Variants in VAPB observed in about 807,000 individuals in gnomAD.
VAPB encodes VAMP associated protein B and C, also known as vesicle-associated membrane protein-associated protein B/C.
VAPB carries 7 observed loss-of-function variants against 25.6 expected under a neutral mutation model. The ratio of observed to expected loss-of-function variants is 0.27; its 90% CI spans 0.16 to 0.51. The LOEUF is 0.51. VAPB is among the 20% of genes least tolerant of loss of function. The pLI is 0.97. For synonymous variants in VAPB, 112 were observed against 109.2 expected (o/e 1.03, Z -0.16); for missense variants, 266 against 301.3 (o/e 0.88, Z 0.87).
In VAPB at chr20:58,448,266, T is replaced by A. The variant is rs1323570743; in HGVS notation, c.*4031T>A. On this transcript the variant is annotated 3_prime_UTR_variant, in exon 6 of 6. Coordinates refer to ENST00000475243, the MANE Select transcript of VAPB (RefSeq NM_004738.5). ...ACTCTTCTGGAACACCAAGAGCAGC[T>A]CTGAGATCATGCTGGCCCTACGCGA... 1 of 454,078 alleles carries A rather than the reference T, an allele frequency of 2.2e-6. No individual in the cohort carries two copies. The highest frequency in any genetic ancestry group is 4.4e-6 in the Non-Finnish European group (1 of 226,776). The allele number at this position is 454,078 out of a possible 1,614,324, so 28.1% of individuals were successfully genotyped here.
chr20:58,392,749 A>T (rs1987837895), intron 1 of VAPB, among the ~76,000 whole-genome samples: 1 of 152,142 alleles, frequency 6.6e-6, no homozygotes, highest in Non-Finnish European at 1.5e-5. Context: ...GCCTAAGTTG[A>T]TCGTATGGGA....
rs2234485 is a variant in VAPB at position 58,434,566 on chromosome 20, G to A, written c.212-36G>A. The A allele has an allele frequency of 1.2e-3, 1,277 of 1,064,438 alleles. 23 individuals are homozygous for A. In the East Asian group the frequency reaches 0.023, roughly 19 times the overall value. 65.9% of individuals were successfully genotyped at this position (1,064,438 alleles called of 1,614,324 possible). A position where few individuals can be genotyped will look rare whatever the true frequency, so the allele number is the denominator to read the frequency against. On this transcript the variant is annotated intron_variant, in intron 2 of 5. Coordinates refer to ENST00000475243, the MANE Select transcript of VAPB (RefSeq NM_004738.5). ...CATAATAAATGGCACTGACAACCAA[G>A]CTCTGACCCTCCTAATGAAATATTT... is the stretch of plus-strand genomic sequence containing the variant.
At chr20:58,426,378 C>G (rs140679257) in intron 2 of VAPB, among the ~76,000 whole-genome samples, 2 of 152,214 alleles carry the variant, frequency 1.3e-5, no homozygotes, top group African/African-American at 4.8e-5. Context: ...TTACAGAGTT[C>G]TGTTAGTGGA....
Position 58,434,725 on chromosome 20 carries a change from T to C in VAPB, c.315+20T>C, listed in dbSNP as rs780192454. 2.5e-6 allele frequency: 3 copies of C among 1,204,226 alleles called. No individual in the cohort carries two copies. The African/African-American group carries it at 4.5e-5, about 18-fold the overall frequency. 74.6% of individuals were successfully genotyped at this position (1,204,226 alleles called of 1,614,324 possible). ...GCAGTAGTAAGTACTGAATGCTTCTTATTTTTTTCAGTAACAATAATTTAA... is the reference window on the plus strand; with the variant it reads ...GCAGTAGTAAGTACTGAATGCTTCTCATTTTTTTCAGTAACAATAATTTAA... On this transcript the variant is annotated intron_variant, in intron 3 of 5. Transcript: ENST00000475243.
chr20:58,397,639 A>C (rs1987996266), intron 1 of VAPB, among the ~76,000 whole-genome samples: 1 of 152,162 alleles, frequency 6.6e-6, no homozygotes, highest in South Asian at 2.1e-4. Context: ...GCAGGTTTGT[A>C]GAGTGGGAAT....
chr20:58,414,227 A>AC (rs1431782271), intron 1 of VAPB, among the ~76,000 whole-genome samples: 4 of 113,376 alleles, frequency 3.5e-5, no homozygotes, highest in Admixed American at 3.5e-4. Context: ...CGGGGGGCTG[A>AC]CCCCCCAACC....
intron 1 of VAPB, among the ~76,000 whole-genome samples, chr20:58,413,292 GCGGCCTTC>G (rs1289005046): frequency 6.6e-6 from 1 of 151,694 alleles, no homozygotes; most frequent in Non-Finnish European, 1.5e-5. Flanking sequence ...AGAGGACCCT[GCGGCCTTC>G]CGCAGTGTTT....
intron 4 of VAPB, 94 bp from the exon 5 acceptor site, chr20:58,440,813 C>A: frequency 8.8e-7 from 1 of 1,142,332 alleles, no homozygotes; most frequent in Non-Finnish European, 1.3e-6. Context: ...AATGCTACCA[C>A]GTTTGGTGTT....
At chr20:58,437,711 A>AT (rs1300939032) in intron 3 of VAPB, among the ~76,000 whole-genome samples, 1 of 151,958 alleles carries the variant, frequency 6.6e-6, no homozygotes, top group Non-Finnish European at 1.5e-5. Flanking sequence ...ATTCTTTGCG[A>AT]TTTTTTCACT....
Position 58,403,492 on chromosome 20 carries a change from C to T in VAPB, c.58+13975C>T, listed in dbSNP as rs138312362. 1.5e-3 allele frequency among the ~76,000 whole-genome samples: 229 copies of T among 152,318 alleles called. 1 individual carries two copies. The highest frequency in any genetic ancestry group is 5.1e-3 in the African/African-American group (212 of 41,556). On this transcript the variant is annotated intron_variant, in intron 1 of 5. Transcript: ENST00000475243. Reference sequence around the variant, plus strand: ...AATCTCAGTTTCTGGTATCTTTACTCTTCTTTCATCAGACCTCACCCCTTC... The same window carrying T: ...AATCTCAGTTTCTGGTATCTTTACTTTTCTTTCATCAGACCTCACCCCTTC...
chr20:58,415,708 A>G (rs1988523445), intron 1 of VAPB, among the ~76,000 whole-genome samples: 1 of 152,222 alleles, frequency 6.6e-6, no homozygotes, highest in African/African-American at 2.4e-5. Context: ...ATGTTGGTAT[A>G]GTAAAATCCC....
chr20:58,397,433 C>A (rs950858865), intron 1 of VAPB, among the ~76,000 whole-genome samples: 2 of 151,666 alleles, frequency 1.3e-5, no homozygotes, highest in Non-Finnish European at 2.9e-5. Flanking sequence ...GCAGGAGAAT[C>A]GCTTGAACCT....
At chr20:58,406,238 A>T (rs967094702) in intron 1 of VAPB, among the ~76,000 whole-genome samples, 2 of 152,222 alleles carry the variant, frequency 1.3e-5, no homozygotes, top group Non-Finnish European at 2.9e-5. Context: ...GTGACATAGA[A>T]CAGTAAGGAG....
chr20:58,396,576 T>G (rs1247248998), intron 1 of VAPB, among the ~76,000 whole-genome samples: 2 of 152,144 alleles, frequency 1.3e-5, no homozygotes, highest in African/African-American at 4.8e-5. Flanking sequence ...TGAAGGGTGC[T>G]CAGAGAATGG....
At chr20:58,390,388 T>G (rs1987765245) in intron 1 of VAPB, 1 of 151,968 alleles carries the variant, frequency 6.6e-6, no homozygotes, top group East Asian at 1.9e-4. Flanking sequence ...TGTTTTTTTT[T>G]TTTTTTTCCT....
chr20:58,448,062 A>G lies in VAPB; in HGVS notation c.*3827A>G, dbSNP rs1186308800. The G allele has an allele frequency of 2.2e-6, 1 of 453,770 alleles. No individual in the cohort carries two copies. The highest frequency in any genetic ancestry group is 4.4e-6 in the Non-Finnish European group (1 of 226,766). 28.1% of individuals were successfully genotyped at this position (453,770 alleles called of 1,614,324 possible). A position where few individuals can be genotyped will look rare whatever the true frequency, so the allele number is the denominator to read the frequency against. On this transcript the variant is annotated 3_prime_UTR_variant, in exon 6 of 6. Transcript: ENST00000475243. ...GGAGAAAGAACCAAACTGAACTATGAAAAGTTACCACTCTGAGGAGACCTC... is the reference window on the plus strand; with the variant it reads ...GGAGAAAGAACCAAACTGAACTATGGAAAGTTACCACTCTGAGGAGACCTC...
Position 58,449,724 on chromosome 20 carries a change from A to C in VAPB, c.*5489A>C. On this transcript the variant is annotated 3_prime_UTR_variant, in exon 6 of 6. Transcript: ENST00000475243. Reference sequence around the variant, plus strand: ...GATCCTGTAACAATGCCCGATTACAATTGCTTTATTACACCCCAGGGCTGA... The same window carrying C: ...GATCCTGTAACAATGCCCGATTACACTTGCTTTATTACACCCCAGGGCTGA... 1 of 454,088 alleles carries C rather than the reference A, an allele frequency of 2.2e-6. No individual in the cohort carries two copies. The allele number at this position is 454,088 out of a possible 1,614,324, so 28.1% of individuals were successfully genotyped here. A position where few individuals can be genotyped will look rare whatever the true frequency, so the allele number is the denominator to read the frequency against.
chr20:58,399,208 G>A (rs1204807511), intron 1 of VAPB, among the ~76,000 whole-genome samples: 1 of 151,802 alleles, frequency 6.6e-6, no homozygotes, highest in African/African-American at 2.4e-5. Flanking sequence ...GCTGAGGCAG[G>A]AGAACCGCTT....
intron 2 of VAPB, chr20:58,431,553 T>G (rs555922642): frequency 7.5e-6 from 1 of 134,006 alleles, no homozygotes; most frequent in Non-Finnish European, 1.6e-5. Flanking sequence ...GCCCTTATCT[T>G]GTTTGTTTTT....
Sources: allele counts gnomAD v4.1 joint callset (sites outside exome capture counted in the v4.1 genomes callset), GRCh38; gene constraint gnomAD v4.1.1; transcripts MANE v1.5; gene names NCBI Gene and HGNC (gene_info 2026-07-23, HGNC 2026-07-21).